The following RBMS3 variants were observed in gnomAD, a reference collection of about 807,000 sequenced individuals.
RBMS3 encodes RNA binding motif single stranded interacting protein 3, also known as RNA-binding motif, single-stranded-interacting protein 3.
RBMS3 carries 27 observed loss-of-function variants against 66.8 expected under a neutral mutation model. The observed-to-expected ratio is 0.40, with a 90% CI of 0.30 to 0.56. The LOEUF (loss-of-function observed/expected upper bound fraction) is 0.56, where lower values mean the gene tolerates loss of function less well. Among genes scored for constraint, RBMS3 ranks in the 20% least tolerant of loss-of-function variants. The pLI is 0.40. For synonymous variants in RBMS3, 188 were observed against 183.0 expected (o/e 1.03, Z -0.22); for missense variants, 513 against 549.5 (o/e 0.93, Z 0.66).
chr3:29,779,530 A>G lies in RBMS3; in HGVS notation c.637+16541A>G, dbSNP rs73831023. 6.1e-3 allele frequency among the ~76,000 whole-genome samples: 923 copies of G among 151,276 alleles called. 11 individuals carry two copies. The highest frequency in any genetic ancestry group is 0.028 in the South Asian group (134 of 4,812). On this transcript the variant is annotated intron_variant, in intron 6 of 14. Coordinates refer to ENST00000383767, the MANE Select transcript of RBMS3 (RefSeq NM_001003793.3). ...GAAGAGAAAGTGTCTTGCTATCAGT[A>G]TTGTTTCTAGGGTTGAAAAGTACCT...
At chr3:29,306,365 C>T (rs934348763) in intron 1 of RBMS3, among the ~76,000 whole-genome samples, 2 of 151,926 alleles carry the variant, frequency 1.3e-5, no homozygotes, top group Non-Finnish European at 2.9e-5. Context: ...TTGGCTTCTT[C>T]AGCTTAGATC....
intron 6 of RBMS3, among the ~76,000 whole-genome samples, chr3:29,776,174 C>T (rs1458932066): frequency 2.6e-5 from 4 of 151,988 alleles, no homozygotes; most frequent in Non-Finnish European, 5.9e-5. Flanking sequence ...ATTCGTCCAG[C>T]TTATGATATG....
At chr3:29,312,538 A>T (rs1490786074) in intron 1 of RBMS3, among the ~76,000 whole-genome samples, 1 of 151,746 alleles carries the variant, frequency 6.6e-6, no homozygotes, top group African/African-American at 2.4e-5. Flanking sequence ...ATCACTAATT[A>T]ATTCTCATTC....
intron 11 of RBMS3, among the ~76,000 whole-genome samples, chr3:29,936,709 A>T (rs893818579): frequency 7.9e-5 from 12 of 152,080 alleles, no homozygotes; most frequent in Admixed American, 1.3e-4. Flanking sequence ...AAAAGAAGGA[A>T]GGGAACCTAA....
intron 4 of RBMS3, among the ~76,000 whole-genome samples, chr3:29,737,200 C>T (rs1405240881): frequency 1.3e-5 from 2 of 152,146 alleles, no homozygotes; most frequent in African/African-American, 2.4e-5. Flanking sequence ...TGGTCTCGAC[C>T]TCCTGACCTC....
chr3:29,884,282 G>T, intron 8 of RBMS3, 74 bp downstream of exon 8: 3 of 1,389,958 alleles, frequency 2.2e-6, no homozygotes, highest in Non-Finnish European at 3.0e-6. Context: ...AAAGAAAAAT[G>T]TTAAAATTTG....
intron 1 of RBMS3, among the ~76,000 whole-genome samples, chr3:29,388,852 C>A (rs1190199403): frequency 6.6e-6 from 1 of 152,172 alleles, no homozygotes; most frequent in Non-Finnish European, 1.5e-5. Context: ...GCGTGAGTCA[C>A]TGCGCCTGGC....
At position 29,447,662 on chromosome 3, in the gene RBMS3, G is replaced by A. The variant is rs187216146; in HGVS notation, c.248+12747G>A. Among the ~76,000 whole-genome samples, 387 of 152,272 alleles carry A rather than the reference G, an allele frequency of 2.5e-3. 4 individuals carry two copies. The highest frequency in any genetic ancestry group is 8.7e-3 in the African/African-American group (363 of 41,552). On this transcript the variant is annotated intron_variant, in intron 2 of 14. Transcript: ENST00000383767. Reference sequence around the variant, plus strand: ...GGAGTGAGTACCCAGTAAGTATTAGGATTATGAGAACTTACCCAATATAAA... The same window carrying A: ...GGAGTGAGTACCCAGTAAGTATTAGAATTATGAGAACTTACCCAATATAAA...
At chr3:29,531,827 A>T (rs927481226) in intron 3 of RBMS3, among the ~76,000 whole-genome samples, 1 of 152,204 alleles carries the variant, frequency 6.6e-6, no homozygotes, top group Non-Finnish European at 1.5e-5. Context: ...AACTTGGACC[A>T]TGAGAGTTAA....
At chr3:29,483,263 C>G (rs563367418) in intron 2 of RBMS3, among the ~76,000 whole-genome samples, 3 of 145,454 alleles carry the variant, frequency 2.1e-5, no homozygotes, top group East Asian at 4.1e-4. Flanking sequence ...GAGCCGAGAT[C>G]GCGTCACTGC....
intron 12 of RBMS3, among the ~76,000 whole-genome samples, chr3:29,980,302 G>C (rs530993794): frequency 6.6e-6 from 1 of 152,168 alleles, no homozygotes; most frequent in Non-Finnish European, 1.5e-5. Flanking sequence ...TTGTAAATGT[G>C]TGTAAGTTAC....
Position 29,971,597 on chromosome 3 carries a change from A to G in RBMS3, c.1099-16546A>G, listed in dbSNP as rs534856357. Among the ~76,000 whole-genome samples the G allele has an allele frequency of 2.2e-3, 334 of 151,988 alleles. 1 individual carries two copies. The highest frequency in any genetic ancestry group is 7.6e-3 in the African/African-American group (315 of 41,464). On this transcript the variant is annotated intron_variant, in intron 12 of 14. Coordinates refer to ENST00000383767, the MANE Select transcript of RBMS3 (RefSeq NM_001003793.3). ...TTAATTTTTTATGTTCTCCTTGAAA[A>G]CCTTAAGCTTTTTACCCAGAGTGCT...
intron 6 of RBMS3, among the ~76,000 whole-genome samples, chr3:29,829,299 C>T (rs946871524): frequency 2.6e-5 from 4 of 152,132 alleles, no homozygotes; most frequent in African/African-American, 9.7e-5. Flanking sequence ...CCCGCCTTGG[C>T]CTCCCCAAGT....
At chr3:29,548,449 CA>C (rs1247444380) in intron 3 of RBMS3, among the ~76,000 whole-genome samples, 1 of 121,834 alleles carries the variant, frequency 8.2e-6, no homozygotes, top group Non-Finnish European at 1.9e-5. Context: ...AACAAACAAA[CA>C]AAAAACAAAA....
At chr3:29,837,235 A>G (rs1028035862) in intron 6 of RBMS3, among the ~76,000 whole-genome samples, 1 of 152,012 alleles carries the variant, frequency 6.6e-6, no homozygotes, top group Admixed American at 6.6e-5. Context: ...ATAAATGTAT[A>G]CCTATACTTT....
At chr3:29,825,650 G>T (rs954378075) in intron 6 of RBMS3, among the ~76,000 whole-genome samples, 1 of 152,260 alleles carries the variant, frequency 6.6e-6, no homozygotes, top group Non-Finnish European at 1.5e-5. Context: ...GACTTCCCCA[G>T]CCATGTGGAA....
chr3:29,608,970 C>T (rs1043309779), intron 4 of RBMS3, among the ~76,000 whole-genome samples: 1 of 151,996 alleles, frequency 6.6e-6, no homozygotes, highest in Non-Finnish European at 1.5e-5. Context: ...TCTTTATGGG[C>T]AGCATTCACT....
chr3:29,749,706 G>T (rs899280245), intron 5 of RBMS3, among the ~76,000 whole-genome samples: 1 of 152,108 alleles, frequency 6.6e-6, no homozygotes, highest in African/African-American at 2.4e-5. Flanking sequence ...AGAGAACCAT[G>T]TAAAAATGTA....
intron 6 of RBMS3, among the ~76,000 whole-genome samples, chr3:29,792,577 C>A (rs542594617): frequency 6.6e-6 from 1 of 152,264 alleles, no homozygotes; most frequent in South Asian, 2.1e-4. Context: ...GCTGTATGAC[C>A]TGGGGCAAGT....
Sources: allele counts gnomAD v4.1 joint callset (sites outside exome capture counted in the v4.1 genomes callset), GRCh38; gene constraint gnomAD v4.1.1; transcripts MANE v1.5; gene names NCBI Gene and HGNC (gene_info 2026-07-23, HGNC 2026-07-21).